ERCC5: variants seen among roughly 807,000 people sequenced by gnomAD.
ERCC5 encodes DNA excision repair protein ERCC-5.
ERCC5 carries 68 observed loss-of-function variants against 105.6 expected under a neutral mutation model. The ratio of observed to expected loss-of-function variants is 0.64; its 90% CI spans 0.53 to 0.79. ERCC5 has a LOEUF of 0.79. Ranked by LOEUF, ERCC5 falls within the 30% of genes least tolerant of loss-of-function variation. The pLI is 0.00. For synonymous variants in ERCC5, 546 were observed against 526.2 expected, an observed-to-expected ratio of 1.04 and a Z score of -0.51; for missense variants, 1,373 against 1,426.7, an observed-to-expected ratio of 0.96 and a Z score of 0.61.
chr13:102,875,045 T>G (rs1335969832), intron 14 of ERCC5, among the ~76,000 whole-genome samples: 1 of 152,186 alleles, frequency 6.6e-6, no homozygotes, highest in Non-Finnish European at 1.5e-5. Flanking sequence ...TTGAATATCT[T>G]AGGAAGAGAT....
At position 102,861,569 on chromosome 13, in the gene ERCC5, G is replaced by A. The variant is rs2140526214; in HGVS notation, c.735G>A (p.Gln245=). ...TGCTTAAAAAGAACTATCTGAACCA[G>A]CATATAGAACATGTCCAAAAGGAAA... ...KGLLKKNYLN[Q]HIEHVQKEMN... Residue 245 remains glutamine (Q), a synonymous_variant, in exon 7 of 15, where the codon CAG becomes CAA. Transcript: ENST00000652225. 2.5e-6 allele frequency: 4 copies of A among 1,614,066 alleles called. No individual in the cohort carries two copies. Among genetic ancestry groups the A allele is most frequent in the Non-Finnish European group, 3.4e-6 (4 of 1,180,002 alleles).
chr13:102,874,584 A>G (rs546959386), intron 14 of ERCC5, among the ~76,000 whole-genome samples: 11 of 152,146 alleles, frequency 7.2e-5, no homozygotes, highest in South Asian at 6.2e-4. Context: ...TGCAGTGGTG[A>G]GAACTCGGCT....
rs141212999 is a variant in ERCC5 at position 102,852,183 on chromosome 13, A to C, written c.154A>C (p.Asn52His). The change falls in exon 2 of 15, where the codon AAT (asparagine) becomes CAT (histidine). Residue 52 changes from asparagine (N) to histidine (H), a missense_variant. Transcript: ENST00000652225. ...VRDRHGNSIE[N>H]PHLLTLFHRL... ...GGATCGCCATGGGAACTCAATAGAA[A>C]ATCCTCATCTTCTCACTTTGTTTCA... The C allele has an allele frequency of 6.2e-7, 1 of 1,613,990 alleles. No homozygotes were observed. Among genetic ancestry groups the C allele is most frequent in the Admixed American group, 1.7e-5 (1 of 59,998 alleles).
chr13:102,866,466 C>T (rs1882844822), intron 10 of ERCC5, 85 bp downstream of exon 10: 1 of 1,611,846 alleles, frequency 6.2e-7, no homozygotes, highest in South Asian at 1.1e-5. Context: ...ATGCACTGTG[C>T]CCCCTGGTGC....
chr13:102,868,963 C>T (rs1339462404), intron 12 of ERCC5, among the ~76,000 whole-genome samples: 1 of 152,206 alleles, frequency 6.6e-6, no homozygotes, highest in Non-Finnish European at 1.5e-5. Flanking sequence ...CCACAGAGTT[C>T]ACCGATTTAA....
In ERCC5 at chr13:102,846,184, G is replaced by A. The variant is rs1566461852; in HGVS notation, c.-83G>A. 3.4e-6 allele frequency: 4 copies of A among 1,169,838 alleles called. No homozygotes were observed. The highest frequency in any genetic ancestry group is 5.0e-6 in the Non-Finnish European group (4 of 799,592). The allele number at this position is 1,169,838 out of a possible 1,614,324, so 72.5% of individuals were successfully genotyped here. On this transcript the variant is annotated 5_prime_UTR_variant, in exon 1 of 15. Transcript: ENST00000652225. ...GTAGGAGCAGGGAGGGCTTCCTCCC[G>A]GGGTCCTAGGCGGCGGTGCAGTCCG...
intron 1 of ERCC5, among the ~76,000 whole-genome samples, chr13:102,847,297 A>ATTTTTTT (rs35223521): frequency 1.4e-5 from 2 of 139,446 alleles, no homozygotes; most frequent in Non-Finnish European, 3.1e-5. Flanking sequence ...TTATGTAGTC[A>ATTTTTTT]TTTTTTTTTT....
In ERCC5 at chr13:102,866,813, A is replaced by G. The variant is rs779468105; in HGVS notation, c.2501A>G (p.Tyr834Cys). ...TTTAATAAAAACAAGTTTGTAGAAT[A>G]TTATCAATATGTGGACTTTCACAAT... ...NFFNKNKFVE[Y>C]YQYVDFHNQL... The change falls in exon 11 of 15, where the codon TAT (tyrosine) becomes TGT (cysteine). Residue 834 changes from tyrosine to cysteine, a missense_variant. Physicochemically the swap from Tyr to Cys is radical, Grantham distance 194 (BLOSUM62 -2). Coordinates refer to ENST00000652225, the MANE Select transcript of ERCC5 (RefSeq NM_000123.4). 3.1e-6 allele frequency: 5 copies of G among 1,613,130 alleles called. No homozygotes were observed. The South Asian group carries it at 4.4e-5, about 14-fold the overall frequency.
intron 12 of ERCC5, among the ~76,000 whole-genome samples, chr13:102,869,843 C>T (rs922968215): frequency 2.2e-4 from 33 of 152,250 alleles, no homozygotes; most frequent in African/African-American, 6.7e-4. Context: ...TGTTCATAGA[C>T]GGTTTGTGTT....
At chr13:102,860,209 G>A (rs1882570541) in intron 6 of ERCC5, among the ~76,000 whole-genome samples, 1 of 152,174 alleles carries the variant, frequency 6.6e-6, no homozygotes, top group African/African-American at 2.4e-5. Flanking sequence ...GCTGTAAAGT[G>A]CCTCCTTTAA....
In ERCC5 at chr13:102,872,773, G is replaced by A. The variant is rs144161390; in HGVS notation, c.2879+375G>A. Among the ~76,000 whole-genome samples the A allele has an allele frequency of 3.7e-3, 558 of 152,288 alleles. 3 individuals carry two copies. Among genetic ancestry groups the A allele is most frequent in the Non-Finnish European group, 5.5e-3 (374 of 68,038 alleles). ...TCTTTGTTTGAATAAGCAGTGATAA[G>A]CATTCATAGATATAACCACATACTT... On this transcript the variant is annotated intron_variant, in intron 13 of 14. Coordinates refer to ENST00000652225, the MANE Select transcript of ERCC5 (RefSeq NM_000123.4).
intron 2 of ERCC5, 61 bp from the exon 3 acceptor site, chr13:102,853,696 C>G: frequency 1.3e-6 from 2 of 1,521,156 alleles, no homozygotes; most frequent in Non-Finnish European, 1.8e-6. Flanking sequence ...AAATAAATCA[C>G]AGCAATGTTT....
At chr13:102,866,202 TG>T (rs1217855437) in intron 9 of ERCC5, 59 bp from the exon 10 acceptor site, 10 of 1,604,378 alleles carry the variant, frequency 6.2e-6, no homozygotes, top group Non-Finnish European at 8.5e-6. Flanking sequence ...GCAGGCTTTT[TG>T]TAAACAAAAC....
intron 5 of ERCC5, among the ~76,000 whole-genome samples, chr13:102,857,867 C>G (rs1267833176): frequency 1.3e-5 from 2 of 152,086 alleles, no homozygotes; most frequent in Non-Finnish European, 2.9e-5. Context: ...TTTCCACGTT[C>G]TGTTCATGTA....
At chr13:102,867,023 A>G (rs1173282019) in intron 11 of ERCC5, among the ~76,000 whole-genome samples, 178 bp downstream of exon 11, 2 of 152,182 alleles carry the variant, frequency 1.3e-5, no homozygotes, top group Non-Finnish European at 2.9e-5. Context: ...CATTTGAATT[A>G]AGGAATTAAA....
rs4150341 is a variant in ERCC5, at chr13:102,868,030, C to T, written c.2534-83C>T. The T allele has an allele frequency of 1.3e-3, 1,706 of 1,346,714 alleles. 29 individuals carry two copies. In the African/African-American group the frequency reaches 0.022, roughly 18 times the overall value. 83.4% of individuals were successfully genotyped at this position (1,346,714 alleles called of 1,614,324 possible). A position where few individuals can be genotyped will look rare whatever the true frequency, so the allele number is the denominator to read the frequency against. On this transcript the variant is annotated intron_variant, in intron 11 of 14. Coordinates refer to ENST00000652225, the MANE Select transcript of ERCC5 (RefSeq NM_000123.4). Reference sequence around the variant, plus strand: ...TTGGATATAGATATAGATATACACACGTACATGATTTATATAATAAAATGT... The same window carrying T: ...TTGGATATAGATATAGATATACACATGTACATGATTTATATAATAAAATGT...
rs754964853 is a variant in ERCC5 at position 102,872,283 on chromosome 13, C to A, written c.2764C>A (p.Gln922Lys). 35 of 1,614,014 alleles carry A rather than the reference C, an allele frequency of 2.2e-5. No homozygotes were observed. The highest frequency in any genetic ancestry group is 3.0e-5 in the Non-Finnish European group (35 of 1,180,028). ...TKVKKKLRTLQLTPGFPNPAV... is the reference protein window; with the variant it reads ...TKVKKKLRTLKLTPGFPNPAV... ...AGTGAAAAAAAAATTACGGACATTGCAACTCACCCCTGGCTTTCCTAACCC... is the reference window on the plus strand; with the variant it reads ...AGTGAAAAAAAAATTACGGACATTGAAACTCACCCCTGGCTTTCCTAACCC... The change falls in exon 13 of 15, where the codon CAA (glutamine) becomes AAA (lysine). Residue 922 changes from glutamine to lysine, a missense_variant. This residue lies in a region of ERCC5 where 367 missense variants were observed against 350.2 expected (regional missense o/e 1.05). Transcript: ENST00000652225.
intron 5 of ERCC5, 40 bp downstream of exon 5, chr13:102,856,152 T>C: frequency 6.3e-7 from 1 of 1,579,734 alleles, no homozygotes; most frequent in Non-Finnish European, 8.7e-7. Flanking sequence ...TATTCTGTTA[T>C]TTGAAATGAA....
intron 1 of ERCC5, among the ~76,000 whole-genome samples, chr13:102,851,113 T>A (rs1207943408): frequency 6.6e-6 from 1 of 152,246 alleles, no homozygotes; most frequent in Admixed American, 6.5e-5. Context: ...TATTTTGGTA[T>A]GTGAACTAGT....
Sources: gnomAD v4.1 joint callset for allele counts (sites outside exome capture counted in the v4.1 genomes callset) on GRCh38, gnomAD v4.1.1 for gene constraint, gnomAD v4.1.1 regional missense constraint, MANE v1.5 for transcripts, NCBI Gene and HGNC (gene_info 2026-07-23, HGNC 2026-07-21) for gene names.